PTPRD: variants seen among roughly 807,000 people sequenced by gnomAD.
PTPRD encodes the protein protein tyrosine phosphatase receptor type D, also known as receptor-type tyrosine-protein phosphatase delta.
Under a neutral mutation model 214.5 loss-of-function variants are expected in PTPRD, and 34 were observed. That is an observed-to-expected ratio of 0.16 (90% CI 0.12 to 0.21). The LOEUF is 0.21. Ranked by LOEUF, PTPRD falls within the 10% of genes least tolerant of loss-of-function variation. PTPRD has a pLI of 1.00. For synonymous variants in PTPRD, 1,128 were observed against 845.7 expected, an observed-to-expected ratio of 1.33 and a Z score of -5.79; for missense variants, 2,545 against 2,398.7, an observed-to-expected ratio of 1.06 and a Z score of -1.27.
intron 9 of PTPRD, among the ~76,000 whole-genome samples, chr9:9,245,036 A>G (rs2131241987): frequency 6.6e-6 from 1 of 152,338 alleles, no homozygotes; most frequent in Non-Finnish European, 1.5e-5. Flanking sequence ...ACAAGAAAAA[A>G]TGCTCATCAT....
intron 11 of PTPRD, among the ~76,000 whole-genome samples, chr9:8,736,302 T>G (rs2090366290): frequency 6.6e-6 from 1 of 152,158 alleles, no homozygotes; most frequent in Non-Finnish European, 1.5e-5. Flanking sequence ...CAGAGTACAC[T>G]CTTAATGAAA....
At chr9:10,568,619 A>C (rs1321621175) in intron 2 of PTPRD, among the ~76,000 whole-genome samples, 1 of 152,108 alleles carries the variant, frequency 6.6e-6, no homozygotes, top group Non-Finnish European at 1.5e-5. Context: ...ATAATGCCAC[A>C]TATCTACAAC....
At chr9:9,926,093 G>A (rs1022487575) in intron 5 of PTPRD, among the ~76,000 whole-genome samples, 1 of 152,006 alleles carries the variant, frequency 6.6e-6, no homozygotes, top group African/African-American at 2.4e-5. Flanking sequence ...TCCTCCTAAA[G>A]TGCTGGGATT....
intron 35 of PTPRD, among the ~76,000 whole-genome samples, chr9:8,414,928 G>GGAGAGA (rs374317951): frequency 4.3e-5 from 3 of 70,486 alleles, no homozygotes; most frequent in Admixed American, 1.4e-4. Flanking sequence ...AGAGAGGGAG[G>GGAGAGA]GGGAGAGAGA....
chr9:9,171,479 A>G (rs1056309702), intron 10 of PTPRD, among the ~76,000 whole-genome samples: 1 of 151,756 alleles, frequency 6.6e-6, no homozygotes, highest in African/African-American at 2.4e-5. Flanking sequence ...AGCATGAAAA[A>G]ATGCGGGAAG....
chr9:10,241,040 T>A (rs2090937740), intron 3 of PTPRD, among the ~76,000 whole-genome samples: 1 of 151,256 alleles, frequency 6.6e-6, no homozygotes. Context: ...GACAAAAGAT[T>A]TGAACAGACA....
At chr9:9,875,339 C>G (rs753323378) in intron 5 of PTPRD, among the ~76,000 whole-genome samples, 1 of 151,754 alleles carries the variant, frequency 6.6e-6, no homozygotes, top group African/African-American at 2.4e-5. Context: ...TGTACAGTAC[C>G]CTAGCCTGGA....
intron 2 of PTPRD, among the ~76,000 whole-genome samples, chr9:10,563,505 CT>C: frequency 6.6e-6 from 1 of 152,236 alleles, no homozygotes; most frequent in Admixed American, 6.5e-5. Context: ...AATATTTTAG[CT>C]AATCCTACCT....
chr9:10,291,021 A>G (rs1339524082), intron 3 of PTPRD, among the ~76,000 whole-genome samples: 1 of 150,408 alleles, frequency 6.6e-6, no homozygotes, highest in African/African-American at 2.4e-5. Flanking sequence ...TGTTTAGAGA[A>G]TCTACACTTT....
At chr9:9,685,286 A>G (rs1001556086) in intron 7 of PTPRD, among the ~76,000 whole-genome samples, 1 of 150,702 alleles carries the variant, frequency 6.6e-6, no homozygotes, top group Non-Finnish European at 1.5e-5. Flanking sequence ...ATATGTATCC[A>G]TAGTTTATAG....
intron 7 of PTPRD, among the ~76,000 whole-genome samples, chr9:9,584,359 C>CATTATTATTATTATT (rs565638451): frequency 0.015 from 2,172 of 149,190 alleles, 50 homozygotes; most frequent in African/African-American, 0.051. Flanking sequence ...ATTTCATCAC[C>CATTATTATTATTATT]ATTATTATTA....
chr9:9,704,624 T>A (rs2097564827), intron 7 of PTPRD, among the ~76,000 whole-genome samples: 1 of 152,202 alleles, frequency 6.6e-6, no homozygotes, highest in Non-Finnish European at 1.5e-5. Context: ...CCAAGAATAT[T>A]TCACAATAAT....
chr9:8,570,914 C>T (rs574144105), intron 14 of PTPRD, among the ~76,000 whole-genome samples: 3 of 151,728 alleles, frequency 2.0e-5, no homozygotes, highest in South Asian at 2.1e-4. Context: ...GGGCTGAGAG[C>T]GCTCTACAAG....
Position 10,281,981 on chromosome 9 carries a change from T to C in PTPRD, c.-545+58982A>G, listed in dbSNP as rs143554461. Among the ~76,000 whole-genome samples the C allele has an allele frequency of 1.6e-3, 229 of 144,928 alleles. 3 individuals carry two copies. The South Asian group carries it at 0.024, about 15-fold the overall frequency. On this transcript the variant is annotated intron_variant, in intron 3 of 45. Transcript: ENST00000381196. ...CAAAAATATTGGGGGCCTAAGTAGT[T>C]AAAATAATAAAAAAAAAAAAGGTGC...
intron 6 of PTPRD, among the ~76,000 whole-genome samples, chr9:9,748,879 T>C (rs2098484920): frequency 2.0e-5 from 3 of 152,204 alleles, no homozygotes; most frequent in Admixed American, 6.5e-5. Flanking sequence ...CATTATATTA[T>C]TGTCTGCATA....
chr9:9,260,916 G>A (rs2099979836), intron 9 of PTPRD, among the ~76,000 whole-genome samples: 3 of 151,816 alleles, frequency 2.0e-5, no homozygotes, highest in African/African-American at 7.2e-5. Context: ...CAGATACTCA[G>A]AAACAGCCCA....
At chr9:9,707,838 C>G (rs2097653685) in intron 7 of PTPRD, among the ~76,000 whole-genome samples, 1 of 152,038 alleles carries the variant, frequency 6.6e-6, no homozygotes, top group Non-Finnish European at 1.5e-5. Flanking sequence ...TATTTGTCCA[C>G]ACAATCAATG....
At chr9:10,338,058 T>C (rs966057202) in intron 3 of PTPRD, among the ~76,000 whole-genome samples, 1 of 151,716 alleles carries the variant, frequency 6.6e-6, no homozygotes, top group African/African-American at 2.4e-5. Context: ...AGTAAGTTTA[T>C]TCATATCATA....
At chr9:8,815,255 C>T (rs2096897615) in intron 11 of PTPRD, among the ~76,000 whole-genome samples, 2 of 152,084 alleles carry the variant, frequency 1.3e-5, no homozygotes, top group Non-Finnish European at 2.9e-5. Flanking sequence ...CATGCCTCTG[C>T]TGCTGCTACT....
Sources: gnomAD v4.1 joint callset for allele counts (sites outside exome capture counted in the v4.1 genomes callset) on GRCh38, gnomAD v4.1.1 for gene constraint, MANE v1.5 for transcripts, NCBI Gene and HGNC (gene_info 2026-07-23, HGNC 2026-07-21) for gene names.